The following UEVLD variants were observed in gnomAD, a reference collection of about 807,000 sequenced individuals.
UEVLD encodes ubiquitin-conjugating enzyme E2 variant 3.
In UEVLD, 47 loss-of-function variants were observed where a neutral mutation model predicts 58.6. The observed-to-expected ratio is 0.80, with a 90% CI of 0.63 to 1.02. UEVLD has a LOEUF of 1.02. Among genes scored for constraint, UEVLD ranks in the 50% least tolerant of loss-of-function variants. UEVLD has a pLI of 0.00. For missense variants in UEVLD, 510 were observed against 550.6 expected (o/e 0.93, Z 0.74); for synonymous variants, 197 against 195.3 (o/e 1.01, Z -0.07).
At chr11:18,587,592 CAA>C (rs1853642365) in intron 1 of UEVLD, 1 of 152,066 alleles carries the variant, frequency 6.6e-6, no homozygotes, top group African/African-American at 2.4e-5. Flanking sequence ...CACTTGAGGT[CAA>C]GAGTTCGAGA....
intron 6 of UEVLD, among the ~76,000 whole-genome samples, chr11:18,562,443 G>A (rs1852085203): frequency 6.6e-6 from 1 of 152,032 alleles, no homozygotes; most frequent in Non-Finnish European, 1.5e-5. Flanking sequence ...TCGGGAGGCT[G>A]AGGTAGGAGA....
intron 7 of UEVLD, among the ~76,000 whole-genome samples, chr11:18,549,580 G>A (rs968915222): frequency 1.3e-5 from 2 of 150,968 alleles, no homozygotes; most frequent in Non-Finnish European, 3.0e-5. Context: ...CACTGAGCCC[G>A]GCTAATTTTT....
intron 4 of UEVLD, among the ~76,000 whole-genome samples, chr11:18,567,129 AAAAGAC>A (rs1187231331): frequency 6.6e-6 from 1 of 152,340 alleles, no homozygotes; most frequent in East Asian, 1.9e-4. Context: ...TCCTAAAAGA[AAAAGAC>A]ATTCTCCTTT....
chr11:18,557,538 A>T (rs1443299031), intron 7 of UEVLD, among the ~76,000 whole-genome samples: 2 of 148,868 alleles, frequency 1.3e-5, no homozygotes, highest in Non-Finnish European at 3.0e-5. Context: ...TGTAAACTGA[A>T]TTTTTTTTCT....
chr11:18,551,289 G>T (rs1851516082), intron 7 of UEVLD, among the ~76,000 whole-genome samples: 1 of 151,980 alleles, frequency 6.6e-6, no homozygotes. Context: ...CGGGCGTGGT[G>T]ACACGTGCCT....
At chr11:18,585,939 T>TA (rs1232651685) in intron 1 of UEVLD, among the ~76,000 whole-genome samples, 1 of 152,184 alleles carries the variant, frequency 6.6e-6, no homozygotes, top group African/African-American at 2.4e-5. Flanking sequence ...CCAGCCCTCA[T>TA]ATCTATTTTT....
intron 6 of UEVLD, among the ~76,000 whole-genome samples, chr11:18,564,352 G>T (rs1167580531): frequency 6.6e-6 from 1 of 152,104 alleles, no homozygotes; most frequent in Non-Finnish European, 1.5e-5. Flanking sequence ...ACTAGGCTCT[G>T]GAGGGAGGCA....
chr11:18,574,785 T>G (rs951613056), intron 3 of UEVLD, among the ~76,000 whole-genome samples: 2 of 152,208 alleles, frequency 1.3e-5, no homozygotes, highest in African/African-American at 4.8e-5. Context: ...ACTAGCTATG[T>G]GATCTTAGGT....
At position 18,577,890 on chromosome 11, in the gene UEVLD, A is replaced by G. The variant is rs1853012133; in HGVS notation, c.127+834T>C. ...CCATCTCAAAAAAAAAAAAAAAAAA[A>G]GAAAGATTAAGATAATAAAGTAAAA... On this transcript the variant is annotated intron_variant, in intron 2 of 11. Transcript: ENST00000396197. Among the ~76,000 whole-genome samples, 5 of 149,000 alleles carry G rather than the reference A, an allele frequency of 3.4e-5. No individual in the cohort carries two copies. The South Asian group carries it at 1.1e-3, about 32-fold the overall frequency.
Position 18,542,890 on chromosome 11 carries a change from C to CTTTTTTTTT in UEVLD, c.1060+1724_1060+1732dup, listed in dbSNP as rs890676886. ...CAGAGGAGTTATTTTCTTTTCTTTT[C>CTTTTTTTTT]TTTTTTTTTTTTTTTTCTTTGAGAC... On this transcript the variant is annotated intron_variant, in intron 9 of 11. Coordinates refer to ENST00000396197, the MANE Select transcript of UEVLD (RefSeq NM_001040697.4). Among the ~76,000 whole-genome samples the CTTTTTTTTT allele has an allele frequency of 8.2e-3, 1,032 of 125,840 alleles. 27 individuals are homozygous for CTTTTTTTTT. The highest frequency in any genetic ancestry group is 0.012 in the Non-Finnish European group (768 of 62,080). The allele number at this position is 125,840 out of a possible 152,430, so 82.6% of individuals were successfully genotyped here. A position where few individuals can be genotyped will look rare whatever the true frequency, so the allele number is the denominator to read the frequency against.
intron 4 of UEVLD, among the ~76,000 whole-genome samples, chr11:18,568,002 G>A (rs912695016): frequency 6.6e-6 from 1 of 152,064 alleles, no homozygotes; most frequent in Non-Finnish European, 1.5e-5. Context: ...AAAATTAGTA[G>A]TGGATGGTAG....
Position 18,578,824 on chromosome 11 carries a change from T to G in UEVLD, c.43-16A>C, listed in dbSNP as rs202060397. The G allele has an allele frequency of 5.2e-4, 798 of 1,540,806 alleles. 1 individual carries two copies. Among genetic ancestry groups the G allele is most frequent in the Non-Finnish European group, 6.8e-4 (771 of 1,133,392 alleles). On this transcript the variant is annotated splice_polypyrimidine_tract_variant and intron_variant, in intron 1 of 11. Coordinates refer to ENST00000396197, the MANE Select transcript of UEVLD (RefSeq NM_001040697.4). The stretch of plus-strand genomic sequence containing the variant: ...TGAACTTGTACTGAAAAGAGAAAAA[T>G]AAGCATGGAGTAAGAATAAAGCTGT...
intron 1 of UEVLD, among the ~76,000 whole-genome samples, chr11:18,584,569 A>AT (rs1336881733): frequency 6.6e-6 from 1 of 152,118 alleles, no homozygotes; most frequent in Non-Finnish European, 1.5e-5. Flanking sequence ...GTGATTAGTG[A>AT]TTTTATTCCT....
chr11:18,554,941 T>C (rs1590335885), intron 7 of UEVLD, among the ~76,000 whole-genome samples: 2 of 152,340 alleles, frequency 1.3e-5, no homozygotes, highest in South Asian at 2.1e-4. Flanking sequence ...ATTGATGTAC[T>C]TCGCCATATC....
chr11:18,568,511 A>C (rs1852409976), intron 4 of UEVLD, among the ~76,000 whole-genome samples: 1 of 152,198 alleles, frequency 6.6e-6, no homozygotes, highest in Non-Finnish European at 1.5e-5. Context: ...CAAACAACTG[A>C]AAATTAAGAG....
At position 18,547,192 on chromosome 11, in the gene UEVLD, G is replaced by A; in HGVS notation, c.716-142C>T. On this transcript the variant is annotated intron_variant, in intron 7 of 11. Transcript: ENST00000396197. ...ATAAATCAACCCCAGATCCACAAAA[G>A]CATATAAAATGCGGAGGTTTGCCTC... 2.1e-5 allele frequency: 17 copies of A among 819,382 alleles called. No homozygotes were observed. The South Asian group carries it at 3.0e-4, about 14-fold the overall frequency. The allele number at this position is 819,382 out of a possible 1,614,324, so 50.8% of individuals were successfully genotyped here. A position where few individuals can be genotyped will look rare whatever the true frequency, so the allele number is the denominator to read the frequency against.
intron 5 of UEVLD, among the ~76,000 whole-genome samples, chr11:18,565,307 C>T (rs1004406695): frequency 2.0e-5 from 3 of 152,150 alleles, no homozygotes; most frequent in African/African-American, 7.2e-5. Context: ...TATTCCAACT[C>T]ATTGCTCTGG....
chr11:18,552,333 C>A (rs1001444203), intron 7 of UEVLD, among the ~76,000 whole-genome samples: 5 of 151,958 alleles, frequency 3.3e-5, no homozygotes, highest in Admixed American at 1.3e-4. Context: ...TCACTTGAGG[C>A]CACGAGTTTT....
At chr11:18,545,038 A>AT (rs1851236502) in intron 8 of UEVLD, among the ~76,000 whole-genome samples, 1 of 105,858 alleles carries the variant, frequency 9.4e-6, no homozygotes, top group African/African-American at 3.6e-5. Flanking sequence ...ATGTGTGTGT[A>AT]TATCTATCTA....
Sources: allele counts gnomAD v4.1 joint callset (sites outside exome capture counted in the v4.1 genomes callset), GRCh38; gene constraint gnomAD v4.1.1; transcripts MANE v1.5; gene names NCBI Gene and HGNC (gene_info 2026-07-23, HGNC 2026-07-21).